The following GALNTL6 variants were observed in gnomAD, a reference collection of about 807,000 sequenced individuals.
GALNTL6 encodes polypeptide N-acetylgalactosaminyltransferase like 6.
Under a neutral mutation model 73.7 loss-of-function variants are expected in GALNTL6, and 46 were observed. That is an observed-to-expected ratio of 0.62 (90% CI 0.49 to 0.80). The LOEUF is 0.80. Among genes scored for constraint, GALNTL6 ranks in the 30% least tolerant of loss-of-function variants. The pLI is 0.00. For synonymous variants in GALNTL6, 259 were observed against 263.7 expected (o/e 0.98, Z 0.17); for missense variants, 604 against 755.0 (o/e 0.80, Z 2.34).
intron 2 of GALNTL6, among the ~76,000 whole-genome samples, chr4:172,185,805 A>G (rs1055661867): frequency 6.6e-6 from 1 of 152,214 alleles, no homozygotes; most frequent in African/African-American, 2.4e-5. Flanking sequence ...AATTAATGTG[A>G]CACTTGACAT....
At chr4:172,835,612 T>G (rs1560983778) in intron 7 of GALNTL6, among the ~76,000 whole-genome samples, 2 of 152,176 alleles carry the variant, frequency 1.3e-5, no homozygotes, top group Admixed American at 6.5e-5. Flanking sequence ...ACTAATGGTA[T>G]CTGTGTTTTA....
chr4:172,440,147 C>T (rs529205619), intron 5 of GALNTL6, among the ~76,000 whole-genome samples: 1 of 152,106 alleles, frequency 6.6e-6, no homozygotes, highest in South Asian at 2.1e-4. Context: ...TTGGTATTTG[C>T]CCAAAGGAGT....
chr4:172,906,274 G>A lies in GALNTL6; in HGVS notation c.1041+23367G>A, dbSNP rs148096137. On this transcript the variant is annotated intron_variant, in intron 8 of 12. Transcript: ENST00000506823. ...ACACAAATACCCAAAAATGATAATG[G>A]GGAAAAAATTAAAATTTCAGGAAAA... Among the ~76,000 whole-genome samples the A allele has an allele frequency of 2.2e-3, 338 of 151,896 alleles. 1 individual carries two copies. The highest frequency in any genetic ancestry group is 7.5e-3 in the African/African-American group (311 of 41,400).
chr4:172,586,468 G>T (rs1452904007), intron 5 of GALNTL6, among the ~76,000 whole-genome samples: 2 of 122,980 alleles, frequency 1.6e-5, no homozygotes, highest in Non-Finnish European at 3.5e-5. Flanking sequence ...GTTGCTCTGG[G>T]AATTCAGAAA....
chr4:172,181,412 C>G (rs1310709336), intron 2 of GALNTL6, among the ~76,000 whole-genome samples: 1 of 152,172 alleles, frequency 6.6e-6, no homozygotes, highest in Non-Finnish European at 1.5e-5. Flanking sequence ...CAAAATTCAA[C>G]ATCCCTTCAT....
At chr4:172,394,759 A>G (rs1373581124) in intron 5 of GALNTL6, among the ~76,000 whole-genome samples, 1 of 152,114 alleles carries the variant, frequency 6.6e-6, no homozygotes, top group Non-Finnish European at 1.5e-5. Context: ...AAAAGAAGAA[A>G]GTTGAGGCAG....
Position 171,823,238 on chromosome 4 carries a change from C to T in GALNTL6, c.138+8520C>T, listed in dbSNP as rs1014453268. ...ACTAAAATATCTTATATTTTTAAGA[C>T]GGATAATGGATACTGGTGAGGTCAG... On this transcript the variant is annotated intron_variant, in intron 2 of 12. Transcript: ENST00000506823. 4.6e-5 allele frequency among the ~76,000 whole-genome samples: 7 copies of T among 151,696 alleles called. No homozygotes were observed. The East Asian group carries it at 5.8e-4, about 13-fold the overall frequency.
chr4:172,446,047 A>G (rs1254534042), intron 5 of GALNTL6, among the ~76,000 whole-genome samples: 4 of 152,154 alleles, frequency 2.6e-5, no homozygotes, highest in Non-Finnish European at 5.9e-5. Context: ...CAGGTGTGAT[A>G]CATCCTATCA....
intron 6 of GALNTL6, among the ~76,000 whole-genome samples, chr4:172,810,935 T>C (rs746931229): frequency 1.3e-5 from 2 of 152,078 alleles, no homozygotes; most frequent in East Asian, 3.9e-4. Context: ...ATGCCAATTA[T>C]TGAGTCTCTG....
intron 5 of GALNTL6, among the ~76,000 whole-genome samples, chr4:172,455,441 C>A (rs1027717280): frequency 6.6e-6 from 1 of 152,192 alleles, no homozygotes; most frequent in Non-Finnish European, 1.5e-5. Context: ...TGGAGCCCAG[C>A]AAGCTAAGAT....
intron 3 of GALNTL6, among the ~76,000 whole-genome samples, chr4:172,259,423 T>G (rs186851556): frequency 6.6e-6 from 1 of 151,434 alleles, no homozygotes; most frequent in Admixed American, 6.6e-5. Flanking sequence ...TTTCTATTCA[T>G]GTCTTTTACC....
At chr4:172,816,324 A>T (rs1414681641) in intron 7 of GALNTL6, among the ~76,000 whole-genome samples, 2 of 152,360 alleles carry the variant, frequency 1.3e-5, no homozygotes, top group African/African-American at 4.8e-5. Context: ...TATCTAATTT[A>T]TTCTGCCATT....
At chr4:172,293,518 T>G (rs955404014) in intron 3 of GALNTL6, among the ~76,000 whole-genome samples, 1 of 152,162 alleles carries the variant, frequency 6.6e-6, no homozygotes, top group African/African-American at 2.4e-5. Flanking sequence ...CAAACACCAA[T>G]AATTATGTCA....
chr4:172,398,498 C>T (rs1423110130), intron 5 of GALNTL6, among the ~76,000 whole-genome samples: 4 of 152,030 alleles, frequency 2.6e-5, no homozygotes, highest in Non-Finnish European at 4.4e-5. Context: ...CGTTAGAGAC[C>T]GGCACTCTCC....
At chr4:171,912,220 G>A (rs1460762854) in intron 2 of GALNTL6, among the ~76,000 whole-genome samples, 1 of 152,060 alleles carries the variant, frequency 6.6e-6, no homozygotes, top group East Asian at 1.9e-4. Context: ...GGTTCTACAG[G>A]TACTCTGAAT....
At chr4:171,860,797 T>A (rs1236755239) in intron 2 of GALNTL6, among the ~76,000 whole-genome samples, 1 of 152,208 alleles carries the variant, frequency 6.6e-6, no homozygotes, top group Non-Finnish European at 1.5e-5. Context: ...CAGCCCTTAA[T>A]ACAGAATATA....
rs372659555 is a variant in GALNTL6 at position 172,460,634 on chromosome 4, C to T, written c.553+111945C>T. On this transcript the variant is annotated intron_variant, in intron 5 of 12. Coordinates refer to ENST00000506823, the MANE Select transcript of GALNTL6 (RefSeq NM_001034845.3). ...TGACAAAAAGCTTATCATCACTGGT[C>T]ATTAGAGACATGCAAATCAAAACCA... Among the ~76,000 whole-genome samples the T allele has an allele frequency of 6.6e-5, 10 of 152,296 alleles. No homozygotes were observed. In the East Asian group the frequency reaches 1.4e-3, roughly 21 times the overall value.
chr4:172,155,358 C>T (rs1423387780), intron 2 of GALNTL6, among the ~76,000 whole-genome samples: 1 of 152,122 alleles, frequency 6.6e-6, no homozygotes, highest in African/African-American at 2.4e-5. Flanking sequence ...AGTGAGGATA[C>T]AGTGAGAAGG....
chr4:172,017,238 AT>A lies in GALNTL6; in HGVS notation c.138+202521del, dbSNP rs1197223438. The stretch of plus-strand genomic sequence containing the variant: ...TGGGAGCTACTTCAGCTCCCCTGCC[AT>A]GTCAGCAAGAAAGCTATTCACCTTA... On this transcript the variant is annotated intron_variant, in intron 2 of 12. Transcript: ENST00000506823. Among the ~76,000 whole-genome samples the A allele has an allele frequency of 3.3e-5, 5 of 152,244 alleles. No homozygotes were observed. The East Asian group carries it at 9.7e-4, about 30-fold the overall frequency.
Sources: gnomAD v4.1 joint callset for allele counts (sites outside exome capture counted in the v4.1 genomes callset) on GRCh38, gnomAD v4.1.1 for gene constraint, MANE v1.5 for transcripts, NCBI Gene and HGNC (gene_info 2026-07-23, HGNC 2026-07-21) for gene names.